DLG2: variants seen among roughly 807,000 people sequenced by gnomAD.
The protein encoded by DLG2 is discs large MAGUK scaffold protein 2.
DLG2 carries 45 observed loss-of-function variants against 132.5 expected under a neutral mutation model. That is an observed-to-expected ratio of 0.34 (90% CI 0.27 to 0.44). DLG2 has a LOEUF of 0.44. Ranked by LOEUF, DLG2 falls within the 20% of genes least tolerant of loss-of-function variation. The pLI is 1.00. For synonymous variants in DLG2, 424 were observed against 419.6 expected (o/e 1.01, Z -0.13); for missense variants, 1,045 against 1,196.9 (o/e 0.87, Z 1.87).
At chr11:84,949,030 G>A (rs950984856) in intron 6 of DLG2, among the ~76,000 whole-genome samples, 4 of 152,042 alleles carry the variant, frequency 2.6e-5, no homozygotes, top group East Asian at 1.9e-4. Context: ...AATACTTTTC[G>A]GAGGACCCGC....
intron 6 of DLG2, among the ~76,000 whole-genome samples, chr11:84,554,392 G>A (rs1017602817): frequency 2.0e-5 from 3 of 152,108 alleles, no homozygotes; most frequent in Non-Finnish European, 2.9e-5. Flanking sequence ...AAGCAAGATA[G>A]GCAGTATTAT....
At chr11:84,026,059 G>A in intron 11 of DLG2, among the ~76,000 whole-genome samples, 1 of 152,050 alleles carries the variant, frequency 6.6e-6, no homozygotes, top group East Asian at 1.9e-4. Context: ...GAGGGATGAG[G>A]TGCATAGATG....
intron 18 of DLG2, among the ~76,000 whole-genome samples, chr11:83,654,632 T>A (rs555418161): frequency 1.3e-5 from 2 of 152,220 alleles, no homozygotes; most frequent in Admixed American, 1.3e-4. Context: ...CTTGTTCTAC[T>A]GGAGGACACA....
chr11:84,235,921 CAT>C (rs1181849138), intron 8 of DLG2, among the ~76,000 whole-genome samples: 1 of 151,638 alleles, frequency 6.6e-6, no homozygotes, highest in East Asian at 1.9e-4. Context: ...AATAAATTAA[CAT>C]ATGTACAAAA....
At chr11:85,415,753 C>T (rs1423859661) in intron 3 of DLG2, among the ~76,000 whole-genome samples, 1 of 151,802 alleles carries the variant, frequency 6.6e-6, no homozygotes, top group Non-Finnish European at 1.5e-5. Context: ...GGATATTAGC[C>T]CTTTGTCAGA....
intron 7 of DLG2, among the ~76,000 whole-genome samples, chr11:84,322,788 C>A (rs1219504330): frequency 6.6e-6 from 1 of 152,052 alleles, no homozygotes. Context: ...CAGGGTTTCA[C>A]CATGTTGGCC....
intron 7 of DLG2, among the ~76,000 whole-genome samples, chr11:84,387,505 GC>G (rs899856552): frequency 2.0e-5 from 3 of 151,960 alleles, no homozygotes; most frequent in Non-Finnish European, 4.4e-5. Flanking sequence ...TTGTTGCCTA[GC>G]CCCTGAGGCA....
chr11:84,678,938 G>A (rs1041875746), intron 6 of DLG2, among the ~76,000 whole-genome samples: 4 of 151,954 alleles, frequency 2.6e-5, no homozygotes, highest in African/African-American at 9.7e-5. Context: ...GATAATGTAT[G>A]GCTATGTAAA....
chr11:84,085,467 G>A (rs2096963566), intron 10 of DLG2, among the ~76,000 whole-genome samples: 1 of 152,152 alleles, frequency 6.6e-6, no homozygotes, highest in South Asian at 2.1e-4. Context: ...TCAGAGCTCT[G>A]AGTTTAACTG....
intron 18 of DLG2, among the ~76,000 whole-genome samples, chr11:83,684,063 C>A (rs1566518592): frequency 6.6e-6 from 1 of 152,088 alleles, no homozygotes; most frequent in Non-Finnish European, 1.5e-5. Flanking sequence ...GCTCCTACCA[C>A]AAAACCCATA....
intron 15 of DLG2, among the ~76,000 whole-genome samples, chr11:83,903,040 G>T (rs2073890183): frequency 6.6e-6 from 1 of 152,088 alleles, no homozygotes; most frequent in Non-Finnish European, 1.5e-5. Flanking sequence ...CCAATTTTAT[G>T]GGTAGGTATT....
At chr11:84,816,293 T>A (rs528524050) in intron 6 of DLG2, among the ~76,000 whole-genome samples, 2 of 152,116 alleles carry the variant, frequency 1.3e-5, no homozygotes, top group South Asian at 4.2e-4. Flanking sequence ...ATTTTATTAT[T>A]CCTGTCTCCA....
At chr11:84,034,520 T>C (rs1328011843) in intron 11 of DLG2, among the ~76,000 whole-genome samples, 1 of 152,210 alleles carries the variant, frequency 6.6e-6, no homozygotes, top group Non-Finnish European at 1.5e-5. Context: ...TCCCACATAA[T>C]ATATCATACT....
chr11:84,646,786 T>G (rs2099675512), intron 6 of DLG2, among the ~76,000 whole-genome samples: 1 of 152,134 alleles, frequency 6.6e-6, no homozygotes, highest in Non-Finnish European at 1.5e-5. Context: ...TTTCACTTCA[T>G]TAGAATCATC....
At chr11:83,999,859 A>G (rs2094248990) in intron 11 of DLG2, among the ~76,000 whole-genome samples, 1 of 152,174 alleles carries the variant, frequency 6.6e-6, no homozygotes, top group South Asian at 2.1e-4. Context: ...ATACATCTTC[A>G]GGAAAAAAGT....
intron 8 of DLG2, among the ~76,000 whole-genome samples, chr11:84,179,628 G>C (rs1461620082): frequency 6.6e-6 from 1 of 152,154 alleles, no homozygotes; most frequent in Non-Finnish European, 1.5e-5. Context: ...AAATCTACTA[G>C]TGCTCTGGCA....
intron 15 of DLG2, among the ~76,000 whole-genome samples, chr11:83,881,899 T>C (rs544903911): frequency 6.6e-6 from 1 of 152,316 alleles, no homozygotes; most frequent in East Asian, 1.9e-4. Context: ...AGTTTTCTGA[T>C]CTTGAAAATC....
chr11:85,028,224 C>A (rs2060700144), intron 6 of DLG2, among the ~76,000 whole-genome samples: 1 of 152,162 alleles, frequency 6.6e-6, no homozygotes, highest in Non-Finnish European at 1.5e-5. Context: ...TCTCCAAGGT[C>A]TCTGTGAGTC....
At chr11:85,483,038 G>C (rs139796999) in intron 3 of DLG2, among the ~76,000 whole-genome samples, 4 of 152,298 alleles carry the variant, frequency 2.6e-5, no homozygotes, top group African/African-American at 4.8e-5. Context: ...AAGCGTAGCA[G>C]AAAACTTTTC....
Sources: gnomAD v4.1 joint callset for allele counts (sites outside exome capture counted in the v4.1 genomes callset) on GRCh38, gnomAD v4.1.1 for gene constraint, MANE v1.5 for transcripts, NCBI Gene and HGNC (gene_info 2026-07-23, HGNC 2026-07-21) for gene names.